Variants in PDZD2 observed in about 807,000 individuals in gnomAD.
PDZD2 encodes the protein PDZ domain-containing protein 2.
In PDZD2, 90 loss-of-function variants were observed where a neutral mutation model predicts 220.7. The observed-to-expected ratio is 0.41, with a 90% CI of 0.34 to 0.49. PDZD2 has a LOEUF of 0.49. PDZD2 is among the 20% of genes least tolerant of loss of function. PDZD2 has a pLI of 0.28. For synonymous variants in PDZD2, 1,375 were observed against 1,450.5 expected (o/e 0.95, Z 1.18); for missense variants, 3,174 against 3,608.5 (o/e 0.88, Z 3.08).
At chr5:32,056,367 G>A (rs899788762) in intron 10 of PDZD2, among the ~76,000 whole-genome samples, 2 of 152,204 alleles carry the variant, frequency 1.3e-5, no homozygotes, top group Admixed American at 1.3e-4. Flanking sequence ...TCTGCGAGAG[G>A]TGACAATGTG....
chr5:31,881,534 T>C (rs1473870050), intron 2 of PDZD2, among the ~76,000 whole-genome samples: 2 of 151,628 alleles, frequency 1.3e-5, no homozygotes, highest in Non-Finnish European at 2.9e-5. Flanking sequence ...CATGCTACCA[T>C]GCCTGGCAAA....
At chr5:31,881,531 C>T (rs944218817) in intron 2 of PDZD2, among the ~76,000 whole-genome samples, 1 of 151,594 alleles carries the variant, frequency 6.6e-6, no homozygotes, top group Non-Finnish European at 1.5e-5. Flanking sequence ...GCCCATGCTA[C>T]CATGCCTGGC....
chr5:31,651,603 G>A (rs569751288), intron 1 of PDZD2, among the ~76,000 whole-genome samples: 4 of 151,604 alleles, frequency 2.6e-5, no homozygotes, highest in African/African-American at 9.7e-5. Flanking sequence ...AAAGTTGTGC[G>A]CTAGGATAGT....
intron 19 of PDZD2, among the ~76,000 whole-genome samples, chr5:32,086,904 G>T (rs1336653963): frequency 1.4e-5 from 2 of 141,868 alleles, no homozygotes; most frequent in African/African-American, 5.3e-5. Flanking sequence ...GGCCAGGCTG[G>T]TCTCGAACTC....
In PDZD2 at chr5:32,087,568, C is replaced by G; in HGVS notation, c.4120C>G (p.Gln1374Glu). ...AGGAATCCATGCACCTGAAAGCTCC[C>G]AGGAGCCTTCCCTGCTGGAGGGAGC... Reference protein sequence around the residue: ...MTGIHAPESSQEPSLLEGADS... With the variant: ...MTGIHAPESSEEPSLLEGADS... The change falls in exon 20 of 25, where the codon CAG (glutamine) becomes GAG (glutamate). Residue 1374 changes from glutamine to glutamate, a missense_variant. This residue lies in a region of PDZD2 where 1,861 missense variants were observed against 2,001.0 expected (regional missense o/e 0.93). Coordinates refer to ENST00000438447, the MANE Select transcript of PDZD2 (RefSeq NM_178140.4). This position sits in a 1 kb window ranked among gnomAD's most constrained non-coding sequence, Gnocchi z 4.0. 1.2e-6 allele frequency: 2 copies of G among 1,613,844 alleles called. No individual in the cohort carries two copies. The highest frequency in any genetic ancestry group is 1.3e-5 in the African/African-American group (1 of 75,040).
chr5:31,878,555 C>CTTTTGTTTTTTT (rs1739532376), intron 2 of PDZD2, among the ~76,000 whole-genome samples: 1 of 48,198 alleles, frequency 2.1e-5, no homozygotes, highest in Non-Finnish European at 3.7e-5. Flanking sequence ...ATGACCTCGG[C>CTTTTGTTTTTTT]TTTTTTTTTT....
At chr5:31,995,779 C>T (rs1561293487) in intron 4 of PDZD2, 61 bp downstream of exon 4, 10 of 1,454,448 alleles carry the variant, frequency 6.9e-6, no homozygotes, top group Non-Finnish European at 9.5e-6. Flanking sequence ...CCTCTCCCTC[C>T]CCACTGGTGC....
chr5:31,868,921 C>T (rs570842138), intron 2 of PDZD2, among the ~76,000 whole-genome samples: 21 of 152,074 alleles, frequency 1.4e-4, no homozygotes, highest in South Asian at 4.1e-4. Context: ...TACAGGCGTG[C>T]GCCACCACTC....
chr5:31,652,035 G>A (rs541779326), intron 1 of PDZD2, among the ~76,000 whole-genome samples: 11 of 133,546 alleles, frequency 8.2e-5, no homozygotes, highest in African/African-American at 2.8e-4. Flanking sequence ...GTTTCACCAT[G>A]TTGGCCAGGC....
At chr5:31,728,825 A>G (rs992632165) in intron 1 of PDZD2, among the ~76,000 whole-genome samples, 1 of 152,180 alleles carries the variant, frequency 6.6e-6, no homozygotes, top group Non-Finnish European at 1.5e-5. Context: ...TATTATACCT[A>G]TTATGCAATG....
At chr5:31,776,041 C>G (rs887864101) in intron 1 of PDZD2, among the ~76,000 whole-genome samples, 2 of 152,244 alleles carry the variant, frequency 1.3e-5, no homozygotes, top group East Asian at 3.9e-4. Context: ...GCCAATGGAA[C>G]AGAAAGGCAA....
At chr5:31,802,580 C>G (rs1317621100) in intron 2 of PDZD2, among the ~76,000 whole-genome samples, 2 of 152,158 alleles carry the variant, frequency 1.3e-5, no homozygotes, top group African/African-American at 4.8e-5. Context: ...TTACAACTGG[C>G]TGTTCTATAA....
At chr5:31,924,442 G>A (rs1372109240) in intron 2 of PDZD2, among the ~76,000 whole-genome samples, 1 of 152,174 alleles carries the variant, frequency 6.6e-6, no homozygotes, top group Non-Finnish European at 1.5e-5. Context: ...CCAGCTTTGA[G>A]GCTTTCCTGA....
At chr5:31,917,332 G>C (rs1743779189) in intron 2 of PDZD2, among the ~76,000 whole-genome samples, 3 of 152,310 alleles carry the variant, frequency 2.0e-5, no homozygotes, top group Admixed American at 2.0e-4. Context: ...AGGATTGCTT[G>C]AGGCCAGCCT....
chr5:32,107,763 G>A (rs1744931079), intron 24 of PDZD2, among the ~76,000 whole-genome samples: 1 of 152,156 alleles, frequency 6.6e-6, no homozygotes, highest in Admixed American at 6.5e-5. Context: ...ATGTTTGGAG[G>A]GGCGGCAGGA....
intron 2 of PDZD2, among the ~76,000 whole-genome samples, chr5:31,920,561 A>G (rs1002033557): frequency 1.3e-5 from 2 of 151,062 alleles, no homozygotes; most frequent in African/African-American, 4.9e-5. Flanking sequence ...AATCTGGGCT[A>G]TAGGGAAGAC....
rs188413152 is a variant in PDZD2, at chr5:31,855,901, A to T, written c.476+56177A>T. On this transcript the variant is annotated intron_variant, in intron 2 of 24. Transcript: ENST00000438447. ...TAAACACCAGAAGTGAAATGAAGTC[A>T]GTCTTGTCTCATGAGATGGAGGGAA... 5.2e-3 allele frequency among the ~76,000 whole-genome samples: 797 copies of T among 152,328 alleles called. 8 individuals are homozygous for T. Among genetic ancestry groups the T allele is most frequent in the African/African-American group, 0.019 (775 of 41,570 alleles).
Position 31,905,243 on chromosome 5 carries a change from C to G in PDZD2, c.477-77912C>G, listed in dbSNP as rs576660657. Among the ~76,000 whole-genome samples the G allele has an allele frequency of 2.6e-5, 4 of 152,294 alleles. No homozygotes were observed. The South Asian group carries it at 6.2e-4, about 24-fold the overall frequency. On this transcript the variant is annotated intron_variant, in intron 2 of 24. Transcript: ENST00000438447. ...TGATCCACCGCCCTCCTCAGCCTCCCAAAGTGCTGGGATTACAGGCGTGAG... is the reference window on the plus strand; with the variant it reads ...TGATCCACCGCCCTCCTCAGCCTCCGAAAGTGCTGGGATTACAGGCGTGAG...
chr5:32,006,179 A>G (rs981706115), intron 5 of PDZD2, among the ~76,000 whole-genome samples: 4 of 151,556 alleles, frequency 2.6e-5, no homozygotes, highest in Non-Finnish European at 4.4e-5. Flanking sequence ...AAGGGCCCTG[A>G]GCAGTGTAGC....
Sources: allele counts gnomAD v4.1 joint callset (sites outside exome capture counted in the v4.1 genomes callset), GRCh38; gene constraint gnomAD v4.1.1; regional missense constraint gnomAD v4.1.1; non-coding constraint Gnocchi (gnomAD v3.1); transcripts MANE v1.5; gene names NCBI Gene and HGNC (gene_info 2026-07-23, HGNC 2026-07-21).